Variants in GPRC5A observed in about 807,000 individuals in gnomAD.
GPRC5A encodes G protein-coupled receptor class C group 5 member A, also known as retinoic acid-induced protein 3.
In GPRC5A, 19 loss-of-function variants were observed where a neutral mutation model predicts 22.5. The ratio of observed to expected loss-of-function variants is 0.85; its 90% CI spans 0.59 to 1.24. GPRC5A has a LOEUF of 1.24. GPRC5A is among the 50% of genes most tolerant of loss of function. GPRC5A has a pLI of 0.00. For synonymous variants in GPRC5A, 192 were observed against 184.5 expected (o/e 1.04, Z -0.33); for missense variants, 471 against 451.1 (o/e 1.04, Z -0.40).
chr12:12,913,795 A>T lies in GPRC5A; in HGVS notation c.*1256A>T, dbSNP rs567312655. On this transcript the variant is annotated 3_prime_UTR_variant, in exon 4 of 4. Coordinates refer to ENST00000014914, the MANE Select transcript of GPRC5A (RefSeq NM_003979.4). The stretch of plus-strand genomic sequence containing the variant: ...TCATGTGTCTCTCCCGTTCCCTCTA[A>T]AACAAGTGTGTTTCCCCTCATTTTT... The T allele has an allele frequency of 6.6e-6, 1 of 152,086 alleles. No homozygotes were observed. Among genetic ancestry groups the T allele is most frequent in the Non-Finnish European group, 1.5e-5 (1 of 68,022 alleles). The allele number at this position is 152,086 out of a possible 1,614,324, so 9.4% of individuals were successfully genotyped here.
At chr12:12,901,473 G>A (rs1863886131) in intron 1 of GPRC5A, among the ~76,000 whole-genome samples, 1 of 152,092 alleles carries the variant, frequency 6.6e-6, no homozygotes, top group Admixed American at 6.6e-5. Flanking sequence ...ATCCTACCCT[G>A]TCTCACGAGC....
chr12:12,911,971 C>A, intron 2 of GPRC5A, 113 bp from the exon 3 acceptor site: 1 of 697,236 alleles, frequency 1.4e-6, no homozygotes, highest in Non-Finnish European at 2.6e-6. Context: ...TTAAGGTCTG[C>A]TGGAGAGACA....
At chr12:12,895,900 G>A (rs1314678913) in intron 1 of GPRC5A, among the ~76,000 whole-genome samples, 2 of 148,168 alleles carry the variant, frequency 1.3e-5, no homozygotes, top group Non-Finnish European at 3.0e-5. Flanking sequence ...GGCTGAGGCA[G>A]GAGAATGGTG....
At chr12:12,892,237 T>C (rs1176386819) in intron 1 of GPRC5A, among the ~76,000 whole-genome samples, 2 of 152,136 alleles carry the variant, frequency 1.3e-5, no homozygotes, top group Non-Finnish European at 2.9e-5. Context: ...CTCAGAAACC[T>C]GGGACAGATG....
intron 1 of GPRC5A, among the ~76,000 whole-genome samples, chr12:12,892,463 G>A (rs1022618632): frequency 2.0e-5 from 3 of 152,264 alleles, no homozygotes; most frequent in African/African-American, 7.2e-5. Context: ...CACCTCCCGG[G>A]TTCAAGCGAT....
chr12:12,908,373 T>A lies in GPRC5A; in HGVS notation c.124T>A (p.Ser42Thr). Residue 42 changes from serine (S) to threonine (T), a missense_variant, in exon 2 of 4, where the codon TCG becomes ACG. By Grantham distance (58) the Ser-to-Thr change is moderately conservative. Coordinates refer to ENST00000014914, the MANE Select transcript of GPRC5A (RefSeq NM_003979.4). ...ETVATAGVVT[S>T]VAFMLTLPIL... Reference sequence around the variant, plus strand: ...GGTGGCCACAGCCGGGGTTGTGACCTCGGTGGCCTTCATGCTCACTCTCCC... The same window carrying A: ...GGTGGCCACAGCCGGGGTTGTGACCACGGTGGCCTTCATGCTCACTCTCCC... 1 of 1,614,142 alleles carries A rather than the reference T, an allele frequency of 6.2e-7. No individual in the cohort carries two copies. Among genetic ancestry groups the A allele is most frequent in the East Asian group, 2.2e-5 (1 of 44,874 alleles).
At chr12:12,907,920 T>C (rs796293016) in intron 1 of GPRC5A, among the ~76,000 whole-genome samples, 7 of 152,342 alleles carry the variant, frequency 4.6e-5, no homozygotes, top group African/African-American at 1.7e-4. Context: ...AGCCAACACG[T>C]CCAGCCCTGT....
chr12:12,896,602 A>G (rs909033635), intron 1 of GPRC5A, among the ~76,000 whole-genome samples: 3 of 152,224 alleles, frequency 2.0e-5, no homozygotes, highest in Admixed American at 6.5e-5. Flanking sequence ...ACACTTGCCA[A>G]TAAATAACTT....
chr12:12,896,192 A>G (rs1243674283), intron 1 of GPRC5A, among the ~76,000 whole-genome samples: 1 of 152,184 alleles, frequency 6.6e-6, no homozygotes, highest in South Asian at 2.1e-4. Context: ...TGTTTCGTTT[A>G]GAGTAACAGG....
intron 2 of GPRC5A, 118 bp from the exon 3 acceptor site, chr12:12,911,966 G>T (rs1322525041): frequency 4.4e-6 from 3 of 674,832 alleles, no homozygotes; most frequent in South Asian, 3.6e-5. Context: ...GAAACTTAAG[G>T]TCTGCTGGAG....
intron 2 of GPRC5A, 42 bp from the exon 3 acceptor site, chr12:12,912,041 TG>T (rs775706106): frequency 1.1e-5 from 15 of 1,397,440 alleles, no homozygotes; most frequent in Non-Finnish European, 1.4e-5. Context: ...TGAACATAGG[TG>T]GGGGCCCCAG....
At chr12:12,894,992 A>G (rs1376489979) in intron 1 of GPRC5A, among the ~76,000 whole-genome samples, 3 of 151,398 alleles carry the variant, frequency 2.0e-5, no homozygotes, top group Non-Finnish European at 4.4e-5. Flanking sequence ...GTTAGCCAGG[A>G]TGGTCTTGAT....
At chr12:12,911,378 A>G (rs1361987259) in intron 2 of GPRC5A, among the ~76,000 whole-genome samples, 1 of 152,148 alleles carries the variant, frequency 6.6e-6, no homozygotes, top group Non-Finnish European at 1.5e-5. Context: ...ACAAATATAT[A>G]CATATTTTCC....
chr12:12,911,785 G>A (rs894145978), intron 2 of GPRC5A, among the ~76,000 whole-genome samples: 1 of 152,234 alleles, frequency 6.6e-6, no homozygotes, highest in Non-Finnish European at 1.5e-5. Context: ...ACCATGCCCA[G>A]CCCATGACTT....
chr12:12,908,256 A>G lies in GPRC5A; in HGVS notation c.7A>G (p.Thr3Ala), dbSNP rs1270888546. Reference protein sequence around the residue: MATTVPDGCRNGL... With the variant: MAATVPDGCRNGL... Reference sequence around the variant, plus strand: ...CCTTTTCTGCAGGTCCAGAATGGCTACAACAGTCCCTGATGGTTGCCGCAA... The same window carrying G: ...CCTTTTCTGCAGGTCCAGAATGGCTGCAACAGTCCCTGATGGTTGCCGCAA... The change falls in exon 2 of 4, where the codon ACA becomes GCA. Residue 3 changes from threonine to alanine, a missense_variant. By Grantham distance (58) the Thr-to-Ala change is moderately conservative (BLOSUM62 0). Transcript: ENST00000014914. 2.5e-6 allele frequency: 4 copies of G among 1,580,236 alleles called. No individual in the cohort carries two copies. Among genetic ancestry groups the G allele is most frequent in the Non-Finnish European group, 3.4e-6 (4 of 1,163,062 alleles).
At chr12:12,895,886 G>A (rs1350105902) in intron 1 of GPRC5A, among the ~76,000 whole-genome samples, 4 of 147,348 alleles carry the variant, frequency 2.7e-5, no homozygotes, top group Non-Finnish European at 4.5e-5. Flanking sequence ...CCAGCTACTC[G>A]GGAGGCTGAG....
Position 12,899,972 on chromosome 12 carries a change from C to G in GPRC5A, c.-7-8271C>G, listed in dbSNP as rs574718875. ...ATGGGCAAACTTCCAGGCCTAGTCACAAGCAACTCTACACACTTTCCCCAT... is the reference window on the plus strand; with the variant it reads ...ATGGGCAAACTTCCAGGCCTAGTCAGAAGCAACTCTACACACTTTCCCCAT... On this transcript the variant is annotated intron_variant, in intron 1 of 3. Coordinates refer to ENST00000014914, the MANE Select transcript of GPRC5A (RefSeq NM_003979.4). 3.3e-5 allele frequency among the ~76,000 whole-genome samples: 5 copies of G among 152,202 alleles called. No individual in the cohort carries two copies. In the South Asian group the frequency reaches 1.0e-3, roughly 31 times the overall value.
At chr12:12,899,759 G>A (rs968831939) in intron 1 of GPRC5A, among the ~76,000 whole-genome samples, 8 of 152,126 alleles carry the variant, frequency 5.3e-5, no homozygotes, top group Admixed American at 2.6e-4. Context: ...GTAGCAATTC[G>A]AGAATAGAGA....
At chr12:12,892,415 T>C (rs1008572074) in intron 1 of GPRC5A, among the ~76,000 whole-genome samples, 2 of 152,176 alleles carry the variant, frequency 1.3e-5, no homozygotes, top group African/African-American at 4.8e-5. Context: ...TTGCCCAGGC[T>C]GGAGTACAAT....
Sources: gnomAD v4.1 joint callset for allele counts (sites outside exome capture counted in the v4.1 genomes callset) on GRCh38, gnomAD v4.1.1 for gene constraint, MANE v1.5 for transcripts, NCBI Gene and HGNC (gene_info 2026-07-23, HGNC 2026-07-21) for gene names.